ZSCAN25: variants seen among roughly 807,000 people sequenced by gnomAD.
ZSCAN25 encodes zinc finger and SCAN domain containing 25.
ZSCAN25 carries 27 observed loss-of-function variants against 38.7 expected under a neutral mutation model. The observed-to-expected ratio is 0.70, with a 90% CI of 0.51 to 0.96. ZSCAN25 has a LOEUF of 0.96. Ranked by LOEUF, ZSCAN25 falls within the 40% of genes least tolerant of loss-of-function variation. The pLI is 0.00. For synonymous variants in ZSCAN25, 273 were observed against 277.7 expected (o/e 0.98, Z 0.17); for missense variants, 637 against 705.9 (o/e 0.90, Z 1.11).
At chr7:99,735,186 T>C in the ZSCAN25 span, 1 of 1,503,512 alleles carries the variant, frequency 6.7e-7, no homozygotes, top group Admixed American at 1.8e-5. Flanking sequence ...TTTCCTGCCC[T>C]GCACAGCAGT....
At chr7:99,724,351 G>A in the ZSCAN25 span, among the ~76,000 whole-genome samples, 1 of 152,120 alleles carries the variant, frequency 6.6e-6, no homozygotes, top group African/African-American at 2.4e-5. Flanking sequence ...TATAAGACCT[G>A]GATGATTTTT....
the ZSCAN25 span, among the ~76,000 whole-genome samples, chr7:99,677,961 C>T: frequency 2.6e-5 from 4 of 152,180 alleles, no homozygotes; most frequent in African/African-American, 7.2e-5. Flanking sequence ...CTGTGCTGGG[C>T]GAACTCTTTA....
the ZSCAN25 span, among the ~76,000 whole-genome samples, chr7:99,637,990 TG>T: frequency 1.3e-5 from 2 of 152,204 alleles, no homozygotes; most frequent in African/African-American, 4.8e-5. Context: ...TCCCATCTGC[TG>T]GAAGTCAACA....
the ZSCAN25 span, among the ~76,000 whole-genome samples, chr7:99,718,020 G>A: frequency 6.6e-6 from 1 of 151,928 alleles, no homozygotes; most frequent in Non-Finnish European, 1.5e-5. Context: ...CTAAACCATG[G>A]GCAACATGAA....
At chr7:99,703,485 C>G in the ZSCAN25 span, among the ~76,000 whole-genome samples, 1 of 152,134 alleles carries the variant, frequency 6.6e-6, no homozygotes, top group Non-Finnish European at 1.5e-5. Context: ...TGTACACACA[C>G]ACAAACACAT....
At chr7:99,690,567 C>T in the ZSCAN25 span, among the ~76,000 whole-genome samples, 1 of 152,052 alleles carries the variant, frequency 6.6e-6, no homozygotes, top group Non-Finnish European at 1.5e-5. Flanking sequence ...GGCTAATATC[C>T]AGAATCTACA....
chr7:99,629,204 G>A lies in ZSCAN25; in HGVS notation c.819G>A (p.Lys273=). Residue 273 remains lysine (K), a synonymous_variant, in exon 8 of 8, where the codon AAG becomes AAA. Coordinates refer to ENST00000394152, the MANE Select transcript of ZSCAN25 (RefSeq NM_145115.3). The surrounding 1 kb of genome is among the most constrained non-coding windows in gnomAD (Gnocchi z 5.6). The stretch of plus-strand genomic sequence containing the variant: ...CCTGTCCTGTAGGCGGTGGGAGCAA[G>A]GAAAAGGAGGCAAAACCCCCACAGG... ...DCRVSPGGGS[K]EKEAKPPQED... 1.9e-6 allele frequency: 3 copies of A among 1,610,284 alleles called. No homozygotes were observed. The highest frequency in any genetic ancestry group is 2.5e-6 in the Non-Finnish European group (3 of 1,178,272).
the ZSCAN25 span, chr7:99,652,734 T>G: frequency 3.1e-6 from 5 of 1,613,994 alleles, no homozygotes; most frequent in Non-Finnish European, 4.2e-6. Context: ...TTCACCACCA[T>G]GTCAAGGTAC....
the ZSCAN25 span, among the ~76,000 whole-genome samples, chr7:99,686,234 G>A: frequency 1.3e-5 from 2 of 152,232 alleles, no homozygotes; most frequent in Admixed American, 6.5e-5. Flanking sequence ...AGCGCAAGGG[G>A]TCAAGGAGTT....
At chr7:99,634,848 A>G (rs1020148327), downstream of ZSCAN25, among the ~76,000 whole-genome samples, 1 of 152,126 alleles carries the variant, frequency 6.6e-6, no homozygotes, top group African/African-American at 2.4e-5. Flanking sequence ...CGCCTGAGGC[A>G]GGAGAATCAC....
chr7:99,708,082 G>T, the ZSCAN25 span: 1 of 1,508,700 alleles, frequency 6.6e-7, no homozygotes, highest in East Asian at 2.3e-5. Flanking sequence ...CAGTACACAG[G>T]ATACTTTTGT....
chr7:99,734,490 C>T, the ZSCAN25 span, among the ~76,000 whole-genome samples: 26 of 152,258 alleles, frequency 1.7e-4, no homozygotes, highest in African/African-American at 6.0e-4. Flanking sequence ...CCCTTCTTTC[C>T]ACTAAAGATG....
the ZSCAN25 span, chr7:99,638,683 G>C: frequency 6.5e-7 from 1 of 1,529,410 alleles, no homozygotes; most frequent in African/African-American, 1.4e-5. Context: ...TTACAGGATT[G>C]TTGTCTTGCC....
At chr7:99,660,625 T>A in the ZSCAN25 span, 1 of 1,613,892 alleles carries the variant, frequency 6.2e-7, no homozygotes, top group Non-Finnish European at 8.5e-7. Context: ...AAATGAAGAT[T>A]ATTGACTGGG....
the ZSCAN25 span, among the ~76,000 whole-genome samples, chr7:99,728,728 A>T: frequency 6.6e-6 from 1 of 152,212 alleles, no homozygotes; most frequent in African/African-American, 2.4e-5. Context: ...CCAGACAAAA[A>T]TGAGTTATTC....
the ZSCAN25 span, among the ~76,000 whole-genome samples, chr7:99,706,171 G>A: frequency 6.6e-6 from 1 of 152,100 alleles, no homozygotes; most frequent in Non-Finnish European, 1.5e-5. Flanking sequence ...GTGCAAGTGG[G>A]GAACCTCTCA....
At chr7:99,697,532 T>G in the ZSCAN25 span, among the ~76,000 whole-genome samples, 15 of 152,220 alleles carry the variant, frequency 9.9e-5, no homozygotes, top group Non-Finnish European at 2.1e-4. Flanking sequence ...CCTTCTAATG[T>G]CCAGGTACCT....
the ZSCAN25 span, among the ~76,000 whole-genome samples, chr7:99,697,923 G>T: frequency 6.6e-6 from 1 of 152,200 alleles, no homozygotes; most frequent in Non-Finnish European, 1.5e-5. Flanking sequence ...CTTTCTAGAA[G>T]TTACGTGATC....
the ZSCAN25 span, chr7:99,652,547 T>A: frequency 6.3e-7 from 1 of 1,596,400 alleles, no homozygotes; most frequent in African/African-American, 1.3e-5. Context: ...CCCTGGAGAC[T>A]TGTACCTTTC....
Sources: allele counts gnomAD v4.1 joint callset (sites outside exome capture counted in the v4.1 genomes callset), GRCh38; gene constraint gnomAD v4.1.1; non-coding constraint Gnocchi (gnomAD v3.1); transcripts MANE v1.5; gene names NCBI Gene and HGNC (gene_info 2026-07-23, HGNC 2026-07-21).